IL1RAPL1: variants seen among roughly 807,000 people sequenced by gnomAD.
IL1RAPL1 encodes the protein interleukin-1 receptor accessory protein-like 1.
Under a neutral mutation model 48.4 loss-of-function variants are expected in IL1RAPL1, and 3 were observed. That is an observed-to-expected ratio of 0.06 (90% confidence interval 0.03 to 0.16). IL1RAPL1 has a LOEUF of 0.16. Among genes scored for constraint, IL1RAPL1 ranks in the 10% least tolerant of loss-of-function variants. The pLI, the probability that IL1RAPL1 is intolerant of heterozygous loss-of-function variation, is 1.00. For missense variants in IL1RAPL1, 349 were observed against 530.6 expected (o/e 0.66, Z 3.36); for synonymous variants, 185 against 187.7 (o/e 0.99, Z 0.12).
chrX:28,956,413 G>C (rs1482489443), intron 2 of IL1RAPL1, among the ~76,000 whole-genome samples: 5 of 110,031 alleles, frequency 4.5e-5, no homozygotes, highest in Non-Finnish European at 7.6e-5. Context: ...ATAGATAGCT[G>C]TTATTATTTT....
At chrX:29,035,237 GATTATCA>G (rs1311170185) in intron 2 of IL1RAPL1, among the ~76,000 whole-genome samples, 3 of 111,109 alleles carry the variant, frequency 2.7e-5, no homozygotes, top group African/African-American at 9.8e-5. Context: ...TTGAGCCACT[GATTATCA>G]ATTTGCCTTT....
At chrX:29,804,637 G>C (rs906605009) in intron 6 of IL1RAPL1, among the ~76,000 whole-genome samples, 6 of 112,073 alleles carry the variant, frequency 5.4e-5, no homozygotes, top group African/African-American at 1.9e-4. Context: ...GGCCTCCTCA[G>C]CCATGTGGAA....
At chrX:29,356,556 A>G (rs1025144106) in intron 3 of IL1RAPL1, among the ~76,000 whole-genome samples, 8 of 110,268 alleles carry the variant, frequency 7.3e-5, no homozygotes, top group Admixed American at 3.9e-4. Context: ...GTGCGTATGT[A>G]TGTGTGACAC....
At chrX:28,925,693 C>T (rs1923723830) in intron 2 of IL1RAPL1, among the ~76,000 whole-genome samples, 2 of 111,507 alleles carry the variant, frequency 1.8e-5, no homozygotes, top group African/African-American at 3.3e-5. Flanking sequence ...GAGGCTGAGG[C>T]GGGCGGATCA....
At chrX:29,201,886 G>A (rs1930564471) in intron 2 of IL1RAPL1, among the ~76,000 whole-genome samples, 1 of 111,542 alleles carries the variant, frequency 9.0e-6, no homozygotes, top group African/African-American at 3.3e-5. Flanking sequence ...GTAGAGACGG[G>A]ATTTCTCCAT....
chrX:29,527,485 G>A (rs1309167858), intron 5 of IL1RAPL1, among the ~76,000 whole-genome samples: 1 of 107,416 alleles, frequency 9.3e-6, no homozygotes, highest in Admixed American at 1.0e-4. Flanking sequence ...TTACAGGCAC[G>A]TGCCACCACG....
chrX:28,614,789 G>T (rs1934192766), intron 1 of IL1RAPL1, among the ~76,000 whole-genome samples: 1 of 112,055 alleles, frequency 8.9e-6, no homozygotes, highest in Admixed American at 9.5e-5. Context: ...TACTAGTATT[G>T]AACTAGTGAG....
At chrX:29,203,545 AC>A (rs958629495) in intron 2 of IL1RAPL1, among the ~76,000 whole-genome samples, 1 of 108,333 alleles carries the variant, frequency 9.2e-6, no homozygotes, top group Admixed American at 1.0e-4. Flanking sequence ...ACATGGAGAA[AC>A]CCCGTCTCTA....
intron 6 of IL1RAPL1, among the ~76,000 whole-genome samples, chrX:29,783,613 C>T (rs1259996623): frequency 3.6e-5 from 4 of 111,644 alleles, no homozygotes; most frequent in South Asian, 7.5e-4. Context: ...AAGTATTTTC[C>T]GCAGCATGGA....
intron 2 of IL1RAPL1, among the ~76,000 whole-genome samples, chrX:28,858,194 G>A (rs1195164917): frequency 8.9e-6 from 1 of 112,202 alleles, no homozygotes; most frequent in Non-Finnish European, 1.9e-5. Flanking sequence ...TTATGGATGA[G>A]CAATGAAAGT....
intron 3 of IL1RAPL1, among the ~76,000 whole-genome samples, chrX:29,319,556 ATGTATC>A (rs1932789266): frequency 2.0e-5 from 2 of 101,679 alleles, no homozygotes; most frequent in African/African-American, 7.5e-5. Context: ...GTATGTATGT[ATGTATC>A]TATCTATCTA....
intron 2 of IL1RAPL1, among the ~76,000 whole-genome samples, chrX:28,948,696 C>T (rs1032987537): frequency 1.8e-5 from 2 of 111,340 alleles, no homozygotes; most frequent in East Asian, 5.7e-4. Flanking sequence ...CAACACATGT[C>T]TAAATGGAAG....
intron 3 of IL1RAPL1, among the ~76,000 whole-genome samples, chrX:29,324,300 G>A (rs747479592): frequency 1.8e-5 from 2 of 111,659 alleles, no homozygotes; most frequent in African/African-American, 6.5e-5. Context: ...ATAGTTTCTT[G>A]TGGCTTGGGA....
At chrX:29,841,404 T>C (rs1931133238) in intron 6 of IL1RAPL1, among the ~76,000 whole-genome samples, 1 of 111,686 alleles carries the variant, frequency 9.0e-6, no homozygotes, top group East Asian at 2.8e-4. Flanking sequence ...ATGTGCTAGT[T>C]TGTTTAAGTA....
In IL1RAPL1 at chrX:28,902,276, A is replaced by G. The variant is rs557555016; in HGVS notation, c.82+112851A>G. ...AACCTCCACCTCCCTGGCTCAAGCC[A>G]TCTTCCTACCTCAGCCTCCCAAGTA... On this transcript the variant is annotated intron_variant, in intron 2 of 10. Transcript: ENST00000378993. 2.3e-4 allele frequency among the ~76,000 whole-genome samples: 25 copies of G among 110,405 alleles called. No individual in the cohort carries two copies. The South Asian group carries it at 7.4e-3, about 32-fold the overall frequency.
At chrX:29,829,965 G>T (rs1190415372) in intron 6 of IL1RAPL1, among the ~76,000 whole-genome samples, 2 of 111,900 alleles carry the variant, frequency 1.8e-5, no homozygotes, top group Non-Finnish European at 3.8e-5. Context: ...GGCTGAATTA[G>T]CTCTCTTTTG....
chrX:29,506,561 A>C (rs1395310332), intron 5 of IL1RAPL1, among the ~76,000 whole-genome samples: 1 of 109,445 alleles, frequency 9.1e-6, no homozygotes, highest in Non-Finnish European at 1.9e-5. Flanking sequence ...CTTTGGTTCT[A>C]GTAAACCATC....
intron 2 of IL1RAPL1, among the ~76,000 whole-genome samples, chrX:28,793,926 C>G (rs756385057): frequency 9.0e-6 from 1 of 111,074 alleles, no homozygotes; most frequent in East Asian, 2.8e-4. Context: ...TATGCTGTTT[C>G]AGAGTCAGGG....
intron 1 of IL1RAPL1, among the ~76,000 whole-genome samples, chrX:28,761,261 G>A (rs1006581440): frequency 2.7e-5 from 3 of 110,551 alleles, no homozygotes; most frequent in African/African-American, 9.9e-5. Context: ...CCACTACTGG[G>A]TATATACCGA....
Sources: gnomAD v4.1 joint callset for allele counts (sites outside exome capture counted in the v4.1 genomes callset) on GRCh38, gnomAD v4.1.1 for gene constraint, MANE v1.5 for transcripts, NCBI Gene and HGNC (gene_info 2026-07-23, HGNC 2026-07-21) for gene names.